ADCY8: variants seen among roughly 807,000 people sequenced by gnomAD.
ADCY8 encodes the protein adenylate cyclase type 8.
In ADCY8, 51 loss-of-function variants were observed where a neutral mutation model predicts 119.7. The ratio of observed to expected loss-of-function variants is 0.43; its 90% CI spans 0.34 to 0.54. ADCY8 has a LOEUF of 0.54. Ranked by LOEUF, ADCY8 falls within the 20% of genes least tolerant of loss-of-function variation. The pLI is 0.03. For missense variants in ADCY8, 1,383 were observed against 1,598.8 expected (o/e 0.87, Z 2.30); for synonymous variants, 665 against 651.0 (o/e 1.02, Z -0.33).
chr8:130,799,278 T>C (rs953601893), intron 15 of ADCY8, among the ~76,000 whole-genome samples: 2 of 152,328 alleles, frequency 1.3e-5, no homozygotes. Flanking sequence ...AGAGAGTAGA[T>C]CTTAAATATT....
intron 8 of ADCY8, among the ~76,000 whole-genome samples, chr8:130,869,096 A>T (rs1300079255): frequency 1.3e-5 from 2 of 152,196 alleles, no homozygotes; most frequent in African/African-American, 4.8e-5. Context: ...AATATCCTGT[A>T]GTTGTTGAGC....
Position 130,971,477 on chromosome 8 carries a change from C to T in ADCY8, c.1110+18916G>A, listed in dbSNP as rs12549591. ...ACAATTTTAAAAGGGGTTCATTGCT[C>T]ATCATAATATCATTCATTTATCTAT... On this transcript the variant is annotated intron_variant, in intron 2 of 17. Transcript: ENST00000286355. Among the ~76,000 whole-genome samples the T allele has an allele frequency of 5.4e-3, 824 of 152,230 alleles. 17 individuals carry two copies. Among genetic ancestry groups the T allele is most frequent in the Admixed American group, 0.049 (754 of 15,282 alleles).
chr8:130,832,056 A>G (rs530009867), intron 12 of ADCY8, among the ~76,000 whole-genome samples: 1 of 152,330 alleles, frequency 6.6e-6, no homozygotes, highest in African/African-American at 2.4e-5. Context: ...AATTTGATCA[A>G]GATCACATAT....
intron 17 of ADCY8, among the ~76,000 whole-genome samples, chr8:130,782,253 T>C (rs1008085806): frequency 6.6e-6 from 1 of 152,188 alleles, no homozygotes; most frequent in African/African-American, 2.4e-5. Flanking sequence ...ATGGAGTACA[T>C]GGGAATCACA....
At chr8:130,874,480 T>A (rs1818487697) in intron 8 of ADCY8, among the ~76,000 whole-genome samples, 1 of 151,564 alleles carries the variant, frequency 6.6e-6, no homozygotes, top group Non-Finnish European at 1.5e-5. Flanking sequence ...TTAAGAGCAA[T>A]TAATTCTATG....
chr8:130,809,418 A>G (rs1816089605), intron 14 of ADCY8, among the ~76,000 whole-genome samples: 1 of 152,174 alleles, frequency 6.6e-6, no homozygotes, highest in South Asian at 2.1e-4. Context: ...GTCTCTTTGT[A>G]CTTATGATAC....
intron 9 of ADCY8, among the ~76,000 whole-genome samples, chr8:130,852,798 C>T (rs952163406): frequency 5.9e-5 from 9 of 152,070 alleles, no homozygotes; most frequent in Admixed American, 1.3e-4. Flanking sequence ...TGCAGTCTGT[C>T]GCCAGTGCTA....
At chr8:130,918,295 C>A (rs10098085) in intron 5 of ADCY8, among the ~76,000 whole-genome samples, 1 of 152,172 alleles carries the variant, frequency 6.6e-6, no homozygotes, top group Non-Finnish European at 1.5e-5. Flanking sequence ...TGCCTTCCTA[C>A]TGTGCCCCTA....
At chr8:130,923,541 C>G (rs1272364799) in intron 5 of ADCY8, among the ~76,000 whole-genome samples, 2 of 152,154 alleles carry the variant, frequency 1.3e-5, no homozygotes, top group African/African-American at 4.8e-5. Context: ...AAAGACCAAG[C>G]TCTGCAATTT....
intron 9 of ADCY8, among the ~76,000 whole-genome samples, chr8:130,859,570 G>T (rs1324492951): frequency 6.6e-6 from 1 of 152,162 alleles, no homozygotes; most frequent in Non-Finnish European, 1.5e-5. Flanking sequence ...CTTCAGGGAG[G>T]TTGCTTCATA....
intron 5 of ADCY8, among the ~76,000 whole-genome samples, chr8:130,932,517 T>C (rs1432671295): frequency 6.6e-6 from 1 of 152,186 alleles, no homozygotes; most frequent in African/African-American, 2.4e-5. Context: ...TATATTTTTC[T>C]GCACTGTGCT....
At chr8:130,882,121 T>G (rs1454434580) in intron 8 of ADCY8, among the ~76,000 whole-genome samples, 1 of 62,142 alleles carries the variant, frequency 1.6e-5, no homozygotes, top group African/African-American at 4.0e-5. Flanking sequence ...TATTGAGGTT[T>G]TTTTTTTTTT....
At chr8:130,903,661 G>T in intron 7 of ADCY8, 111 bp downstream of exon 7, 1 of 1,227,138 alleles carries the variant, frequency 8.1e-7, no homozygotes, top group Non-Finnish European at 1.1e-6. Context: ...CAATTATGGT[G>T]TTCATTGGAG....
intron 7 of ADCY8, among the ~76,000 whole-genome samples, chr8:130,897,036 G>T (rs984016957): frequency 3.9e-5 from 6 of 152,116 alleles, no homozygotes; most frequent in East Asian, 3.9e-4. Context: ...GTTGCCCAAG[G>T]TCTCTTAGTA....
chr8:130,809,726 A>AC (rs1487566859), intron 14 of ADCY8, among the ~76,000 whole-genome samples: 1 of 152,250 alleles, frequency 6.6e-6, no homozygotes, highest in Admixed American at 6.5e-5. Flanking sequence ...CTGGCTTAAT[A>AC]CGTTGGGATT....
At chr8:130,915,399 G>T (rs1820097441) in intron 5 of ADCY8, among the ~76,000 whole-genome samples, 1 of 152,160 alleles carries the variant, frequency 6.6e-6, no homozygotes, top group Non-Finnish European at 1.5e-5. Context: ...CTATACATTA[G>T]ACAGGAATCC....
Position 130,954,998 on chromosome 8 carries a change from C to CATTAT in ADCY8, c.1111-3001_1111-3000insATAAT, listed in dbSNP as rs561589049. 7.7e-3 allele frequency among the ~76,000 whole-genome samples: 1,175 copies of CATTAT among 152,262 alleles called. 19 individuals are homozygous for CATTAT. Among genetic ancestry groups the CATTAT allele is most frequent in the African/African-American group, 0.026 (1,089 of 41,552 alleles). ...CCTGAAAAATGTGTGAGGGTTCAAA[C>CATTAT]ATTTATTTATTTATTCATCTAACAA... On this transcript the variant is annotated intron_variant, in intron 2 of 17. Transcript: ENST00000286355.
chr8:131,037,879 A>G, intron 1 of ADCY8, among the ~76,000 whole-genome samples: 1 of 152,186 alleles, frequency 6.6e-6, no homozygotes, highest in East Asian at 1.9e-4. Context: ...TGTAGATATG[A>G]AGGTTCATGG....
In ADCY8 at chr8:131,039,569, G is replaced by C. The variant is rs369545813; in HGVS notation, c.765C>G (p.Thr255=). 17 of 1,613,840 alleles carry C rather than the reference G, an allele frequency of 1.1e-5. No individual in the cohort carries two copies. The highest frequency in any genetic ancestry group is 1.4e-5 in the Non-Finnish European group (17 of 1,180,014). The change falls in exon 1 of 18, where the codon ACC becomes ACG. Residue 255 remains threonine (T), a synonymous_variant. Coordinates refer to ENST00000286355, the MANE Select transcript of ADCY8 (RefSeq NM_001115.3). ...SGVVTWVAMT[T]QILAAGLGYG... is the part of the protein sequence containing the mutation. ...AGCCGAGGCCTGCTGCCAGGATCTG[G>C]GTGGTCATGGCCACCCAGGTGACCA...
Sources: gnomAD v4.1 joint callset for allele counts (sites outside exome capture counted in the v4.1 genomes callset) on GRCh38, gnomAD v4.1.1 for gene constraint, MANE v1.5 for transcripts, NCBI Gene and HGNC (gene_info 2026-07-23, HGNC 2026-07-21) for gene names.